RHOBTB2: variants seen among roughly 807,000 people sequenced by gnomAD.
RHOBTB2 encodes rho-related BTB domain-containing protein 2.
A neutral mutation model predicts 66.5 loss-of-function variants in RHOBTB2; 39 were observed. The observed-to-expected ratio is 0.59, with a 90% CI of 0.45 to 0.77. The LOEUF is 0.77. Ranked by LOEUF, RHOBTB2 falls within the 30% of genes least tolerant of loss-of-function variation. The pLI is 0.00. For missense variants in RHOBTB2, 755 were observed against 999.1 expected, an observed-to-expected ratio of 0.76 and a Z score of 3.29; for synonymous variants, 390 against 395.0, an observed-to-expected ratio of 0.99 and a Z score of 0.15.
At chr8:23,005,834 A>C (rs943558810) in intron 3 of RHOBTB2, 126 bp from the exon 4 acceptor site, 6 of 821,864 alleles carry the variant, frequency 7.3e-6, no homozygotes, top group African/African-American at 5.1e-5. Flanking sequence ...GTTTTGTGTC[A>C]AGAGCACGTG....
rs570814731 is a variant in RHOBTB2 at position 23,006,616 on chromosome 8, G to A, written c.483-112G>A. 22 of 1,018,510 alleles carry A rather than the reference G, an allele frequency of 2.2e-5. No homozygotes were observed. The highest frequency in any genetic ancestry group is 1.8e-4 in the South Asian group (12 of 65,854). The allele number at this position is 1,018,510 out of a possible 1,614,324, so 63.1% of individuals were successfully genotyped here. ...TTTGGCCAGACAGAGCAGGGCAGGAGTGGGTGGGGATTGGCACCCAGATCC... is the reference window on the plus strand; with the variant it reads ...TTTGGCCAGACAGAGCAGGGCAGGAATGGGTGGGGATTGGCACCCAGATCC... On this transcript the variant is annotated intron_variant, in intron 4 of 9. Transcript: ENST00000251822. The surrounding 1 kb of genome is among the most constrained non-coding windows in gnomAD (Gnocchi z 6.1).
rs1810941296 is a variant in RHOBTB2 at position 23,006,097 on chromosome 8, G to A, written c.434G>A (p.Arg145His). The A allele has an allele frequency of 1.9e-6, 3 of 1,613,866 alleles. No individual in the cohort carries two copies. Among genetic ancestry groups the A allele is most frequent in the African/African-American group, 1.3e-5 (1 of 74,954 alleles). Residue 145 changes from arginine (R) to histidine (H), a missense_variant, in exon 4 of 10, where the codon CGC becomes CAC. Around this residue, in one of 7 missense-constraint regions of RHOBTB2, gnomAD observed 20 missense variants for 59.0 expected, o/e 0.34. Transcript: ENST00000251822. The surrounding 1 kb of genome is among the most constrained non-coding windows in gnomAD (Gnocchi z 6.1). ...TTGGTGGGCTGCCAGTTGGACCTGC[G>A]CTACGCTGACCTGGAGGCTGTCAAC... ...VILVGCQLDL[R>H]YADLEAVNRA...
At chr8:22,952,969 G>A in the RHOBTB2 span, among the ~76,000 whole-genome samples, 2 of 152,212 alleles carry the variant, frequency 1.3e-5, no homozygotes, top group East Asian at 3.9e-4. Context: ...CACCAAGTGG[G>A]CTACTTGAGA....
intron 7 of RHOBTB2, among the ~76,000 whole-genome samples, chr8:23,013,338 T>C (rs1210721576): frequency 1.3e-5 from 2 of 152,020 alleles, no homozygotes; most frequent in East Asian, 1.9e-4. Context: ...CCCTCCTCTC[T>C]CACAGACCCC....
At position 22,999,664 on chromosome 8, in the gene RHOBTB2, G is replaced by C; in HGVS notation, c.-452G>C. On this transcript the variant is annotated 5_prime_UTR_variant, in exon 1 of 10. Transcript: ENST00000251822. ...CCTTTTTTTGTGAATGAAAAAAGGAGGTCGCGAGCGGTACCTGGGACTGCA... is the reference window on the plus strand; with the variant it reads ...CCTTTTTTTGTGAATGAAAAAAGGACGTCGCGAGCGGTACCTGGGACTGCA... 1 of 1,247,320 alleles carries C rather than the reference G, an allele frequency of 8.0e-7. No individual in the cohort carries two copies. Among genetic ancestry groups the C allele is most frequent in the South Asian group, 1.3e-5 (1 of 77,474 alleles). The allele number at this position is 1,247,320 out of a possible 1,614,324, so 77.3% of individuals were successfully genotyped here. A position where few individuals can be genotyped will look rare whatever the true frequency, so the allele number is the denominator to read the frequency against.
chr8:22,987,900 C>A (rs1810321347), intron 1 of RHOBTB2, among the ~76,000 whole-genome samples: 1 of 152,142 alleles, frequency 6.6e-6, no homozygotes, highest in Admixed American at 6.5e-5. Flanking sequence ...GTGCCAGCGG[C>A]AGGCCTGGAT....
chr8:22,990,374 A>G (rs919047629), intron 1 of RHOBTB2, among the ~76,000 whole-genome samples: 1 of 152,140 alleles, frequency 6.6e-6, no homozygotes, highest in Non-Finnish European at 1.5e-5. Context: ...CCCACCTTGC[A>G]GGCCTGCAGC....
chr8:23,017,134 G>A lies in RHOBTB2; in HGVS notation c.1967-118G>A, dbSNP rs1199015586. On this transcript the variant is annotated intron_variant, in intron 9 of 9. Transcript: ENST00000251822. The surrounding 1 kb of genome is among the most constrained non-coding windows in gnomAD (Gnocchi z 5.3). ...CTCATGTGCCGTGGGTCATGGGGAT[G>A]TGCTGGGGGCTGGGCTGGAGGCCTG... 3.0e-6 allele frequency: 4 copies of A among 1,326,432 alleles called. No homozygotes were observed. The African/African-American group carries it at 4.4e-5, about 14-fold the overall frequency. 82.2% of individuals were successfully genotyped at this position (1,326,432 alleles called of 1,614,324 possible). A position where few individuals can be genotyped will look rare whatever the true frequency, so the allele number is the denominator to read the frequency against.
At position 23,006,957 on chromosome 8, in the gene RHOBTB2, C is replaced by T; in HGVS notation, c.712C>T (p.Pro238Ser). The change falls in exon 5 of 10, where the codon CCA becomes TCA. Residue 238 changes from proline (P) to serine (S), a missense_variant. Physicochemically the swap from Pro to Ser is moderately conservative, Grantham distance 74. Around this residue, in one of 7 missense-constraint regions of RHOBTB2, gnomAD observed 247 missense variants for 238.9 expected, o/e 1.03. Coordinates refer to ENST00000251822, the MANE Select transcript of RHOBTB2 (RefSeq NM_015178.3). The surrounding 1 kb of genome is among the most constrained non-coding windows in gnomAD (Gnocchi z 6.1). ...GCAGGCACCCTTCCTACCCCCCAAG[C>T]CACCGCCCCCGATCATCGTGGTGCC... is the stretch of plus-strand genomic sequence containing the variant. The part of the protein sequence containing the change: ...LLQAPFLPPK[P>S]PPPIIVVPDP... The T allele has an allele frequency of 6.2e-7, 1 of 1,611,916 alleles. No homozygotes were observed. The highest frequency in any genetic ancestry group is 1.1e-5 in the South Asian group (1 of 91,070).
intron 1 of RHOBTB2, among the ~76,000 whole-genome samples, chr8:22,989,490 CG>C (rs1244419861): frequency 6.6e-6 from 1 of 152,164 alleles, no homozygotes; most frequent in Non-Finnish European, 1.5e-5. Context: ...GATTGTTCCC[CG>C]GGGTGCTTGT....
At chr8:22,955,749 T>C in the RHOBTB2 span, among the ~76,000 whole-genome samples, 1 of 151,958 alleles carries the variant, frequency 6.6e-6, no homozygotes, top group East Asian at 1.9e-4. Flanking sequence ...TATAAATTAT[T>C]TGTAGAGATG....
chr8:23,015,717 C>CCCGAGA lies in RHOBTB2; in HGVS notation c.1942_1947dup (p.Arg648_Asp649dup). On this transcript the variant is annotated inframe_insertion, in exon 9 of 10. Coordinates refer to ENST00000251822, the MANE Select transcript of RHOBTB2 (RefSeq NM_015178.3). ...TACAACAACGTGTGCCGCAAGTTCC[C>CCCGAGA]CCGAGACATGAAGGCCATGTCCCCA... 5 of 1,613,852 alleles carry CCCGAGA rather than the reference C, an allele frequency of 3.1e-6. No individual in the cohort carries two copies. Among genetic ancestry groups the CCCGAGA allele is most frequent in the Non-Finnish European group, 4.2e-6 (5 of 1,179,804 alleles).
intron 9 of RHOBTB2, among the ~76,000 whole-genome samples, chr8:23,016,409 ATTAT>A (rs1295943809): frequency 6.6e-6 from 1 of 151,958 alleles, no homozygotes; most frequent in Non-Finnish European, 1.5e-5. Flanking sequence ...TTAAAAAAAA[ATTAT>A]TTATTTATTT....
the RHOBTB2 span, among the ~76,000 whole-genome samples, chr8:22,979,599 G>A: frequency 6.6e-6 from 1 of 151,740 alleles, no homozygotes; most frequent in East Asian, 1.9e-4. Context: ...TATCACTAGT[G>A]TTTATGACGT....
chr8:22,994,757 C>A, upstream of RHOBTB2: 5 of 729,106 alleles, frequency 6.9e-6, no homozygotes, highest in South Asian at 3.4e-5. Context: ...ACTAGACCAA[C>A]ATAAAAAAAA....
the RHOBTB2 span, among the ~76,000 whole-genome samples, chr8:22,978,518 C>T: frequency 5.5e-3 from 814 of 149,308 alleles, 6 homozygotes; most frequent in Non-Finnish European, 9.4e-3. Context: ...CAAAAAAAAC[C>T]CCAAAACTTA....
At chr8:22,958,131 A>T in the RHOBTB2 span, among the ~76,000 whole-genome samples, 56 of 152,338 alleles carry the variant, frequency 3.7e-4, no homozygotes, top group African/African-American at 1.3e-3. Flanking sequence ...GTGCTGAAAC[A>T]GTTGTGATGG....
At chr8:22,964,799 TA>T in the RHOBTB2 span, among the ~76,000 whole-genome samples, 1 of 57,514 alleles carries the variant, frequency 1.7e-5, no homozygotes, top group African/African-American at 3.6e-5. Context: ...TTTATTTATT[TA>T]TTTATTTATT....
At chr8:22,955,811 C>T in the RHOBTB2 span, among the ~76,000 whole-genome samples, 449 of 152,188 alleles carry the variant, frequency 3.0e-3, 2 homozygotes, top group Middle Eastern at 0.027. Flanking sequence ...TTCAATCAGT[C>T]CTCCTACCTT....
Sources: gnomAD v4.1 joint callset for allele counts (sites outside exome capture counted in the v4.1 genomes callset) on GRCh38, gnomAD v4.1.1 for gene constraint, gnomAD v4.1.1 regional missense constraint, Gnocchi (gnomAD v3.1) non-coding constraint, MANE v1.5 for transcripts, NCBI Gene and HGNC (gene_info 2026-07-23, HGNC 2026-07-21) for gene names.